GUCY2F: variants seen among roughly 807,000 people sequenced by gnomAD.
GUCY2F encodes retinal guanylyl cyclase 2.
In GUCY2F, 61 loss-of-function variants were observed where a neutral mutation model predicts 73.1. That is an observed-to-expected ratio of 0.83 (90% CI 0.68 to 1.03). The LOEUF (loss-of-function observed/expected upper bound fraction) is 1.03. GUCY2F is among the 50% of genes least tolerant of loss of function. GUCY2F has a pLI of 0.00. For synonymous variants in GUCY2F, 331 were observed against 307.8 expected (o/e 1.08, Z -0.79); for missense variants, 912 against 854.3 (o/e 1.07, Z -0.84).
chrX:109,418,275 T>C (rs1424267542), intron 8 of GUCY2F, among the ~76,000 whole-genome samples: 3 of 111,859 alleles, frequency 2.7e-5, no homozygotes, highest in East Asian at 2.8e-4. Flanking sequence ...AGTAAGGATA[T>C]AGAAGATCTG....
At chrX:109,405,438 C>T (rs1930950163) in intron 9 of GUCY2F, among the ~76,000 whole-genome samples, 1 of 112,303 alleles carries the variant, frequency 8.9e-6, no homozygotes, top group Non-Finnish European at 1.9e-5. Context: ...TCTGCACTTG[C>T]TTGGCAGCCT....
At chrX:109,396,368 A>C (rs1447928913) in intron 11 of GUCY2F, among the ~76,000 whole-genome samples, 1 of 110,911 alleles carries the variant, frequency 9.0e-6, no homozygotes, top group Non-Finnish European at 1.9e-5. Context: ...AAAAATCATT[A>C]TCTCTCAATA....
intron 9 of GUCY2F, among the ~76,000 whole-genome samples, chrX:109,405,256 G>A (rs767431307): frequency 8.9e-6 from 1 of 112,416 alleles, no homozygotes; most frequent in South Asian, 3.7e-4. Context: ...TAATTACAAG[G>A]TGGGTTGCCA....
At chrX:109,452,136 T>C in intron 4 of GUCY2F, 29 bp from the exon 5 acceptor site, 5 of 800,643 alleles carry the variant, frequency 6.2e-6, no homozygotes, top group Non-Finnish European at 9.6e-6. Context: ...AGAGGAAGAA[T>C]GGCATTATCA....
chrX:109,377,502 T>C (rs903593591), intron 17 of GUCY2F, among the ~76,000 whole-genome samples: 3 of 112,021 alleles, frequency 2.7e-5, no homozygotes, highest in Admixed American at 9.4e-5. Context: ...TCTAAACACA[T>C]GAAGCCCAAC....
chrX:109,404,234 T>C, intron 10 of GUCY2F, 94 bp downstream of exon 10: 1 of 662,530 alleles, frequency 1.5e-6, no homozygotes, highest in East Asian at 3.5e-5. Context: ...AAGTGGAGAG[T>C]TGAAATCAGC....
intron 17 of GUCY2F, among the ~76,000 whole-genome samples, chrX:109,378,276 C>G (rs995696276): frequency 9.0e-6 from 1 of 111,646 alleles, no homozygotes; most frequent in African/African-American, 3.3e-5. Flanking sequence ...ACAGCTGGGA[C>G]TTGAAACCAG....
At chrX:109,449,865 TC>T (rs1932100083) in intron 5 of GUCY2F, among the ~76,000 whole-genome samples, 1 of 111,174 alleles carries the variant, frequency 9.0e-6, no homozygotes, top group South Asian at 3.8e-4. Flanking sequence ...GTTCAAAGAA[TC>T]CTTTGTTTTG....
intron 2 of GUCY2F, among the ~76,000 whole-genome samples, chrX:109,470,114 T>C (rs1029509294): frequency 1.8e-5 from 2 of 112,064 alleles, no homozygotes; most frequent in African/African-American, 6.5e-5. Flanking sequence ...TGTACAGCAA[T>C]GTTGCCTTAA....
chrX:109,411,793 A>T (rs2147261976), intron 8 of GUCY2F, among the ~76,000 whole-genome samples: 1 of 112,407 alleles, frequency 8.9e-6, no homozygotes, highest in South Asian at 3.7e-4. Context: ...AATTTTAGGT[A>T]AAATCAGTGG....
chrX:109,423,382 T>C (rs983250606), intron 8 of GUCY2F, among the ~76,000 whole-genome samples: 26 of 111,084 alleles, frequency 2.3e-4, no homozygotes, highest in African/African-American at 8.2e-4. Context: ...AGAAATGATA[T>C]GGGCATTTCA....
At chrX:109,382,403 C>A (rs1335746736) in intron 16 of GUCY2F, among the ~76,000 whole-genome samples, 191 bp from the exon 17 acceptor site, 1 of 112,263 alleles carries the variant, frequency 8.9e-6, no homozygotes, top group African/African-American at 3.2e-5. Flanking sequence ...CGAAATAAGG[C>A]ATTAGTTGTA....
intron 17 of GUCY2F, among the ~76,000 whole-genome samples, chrX:109,376,560 CCAAA>C (rs1169184531): frequency 8.9e-6 from 1 of 112,003 alleles, no homozygotes; most frequent in Non-Finnish European, 1.9e-5. Context: ...CTCACCAAAC[CCAAA>C]AAGAGAGTAG....
intron 8 of GUCY2F, among the ~76,000 whole-genome samples, chrX:109,416,084 T>C (rs968095108): frequency 1.8e-5 from 2 of 111,049 alleles, no homozygotes; most frequent in African/African-American, 6.5e-5. Flanking sequence ...AATAGTTCTT[T>C]AGAGCAACAC....
In GUCY2F at chrX:109,465,062, G is replaced by C. The variant is rs964240283; in HGVS notation, c.1032+80C>G. On this transcript the variant is annotated intron_variant, in intron 3 of 19. Coordinates refer to ENST00000218006, the MANE Select transcript of GUCY2F (RefSeq NM_001522.3). ...CATTGACTGGGCCTCCTATGGAATT[G>C]AGACTGTTGGTCTGAAAATAATTTA... 3 of 729,535 alleles carry C rather than the reference G, an allele frequency of 4.1e-6. No individual in the cohort carries two copies. In the African/African-American group the frequency reaches 6.3e-5, roughly 15 times the overall value. The allele number at this position is 729,535 out of a possible 1,213,427, so 60.1% of individuals were successfully genotyped here.
chrX:109,373,125 C>A (rs1365146843), intron 19 of GUCY2F, 126 bp from the exon 20 acceptor site: 1 of 112,855 alleles, frequency 8.9e-6, no homozygotes, highest in East Asian at 2.8e-4. Context: ...GCAAATTGCT[C>A]AACTTTCCTG....
intron 15 of GUCY2F, among the ~76,000 whole-genome samples, chrX:109,388,206 T>A (rs1460707666): frequency 9.0e-6 from 1 of 111,707 alleles, no homozygotes; most frequent in East Asian, 2.8e-4. Context: ...AACTACAACA[T>A]ATACCTGTTG....
chrX:109,397,460 GA>G lies in GUCY2F; in HGVS notation c.2275+1088del, dbSNP rs1258486597. On this transcript the variant is annotated intron_variant, in intron 11 of 19. Transcript: ENST00000218006. ...TTTCATTTTTAAAAGTTTTTATTTT[GA>G]AAAAAAATTAAACTTCCAGAAAAGT... Among the ~76,000 whole-genome samples, 7 of 110,901 alleles carry G rather than the reference GA, an allele frequency of 6.3e-5. No homozygotes were observed. In the South Asian group the frequency reaches 1.5e-3, roughly 24 times the overall value.
chrX:109,440,892 C>G (rs1931851909), intron 7 of GUCY2F, among the ~76,000 whole-genome samples: 1 of 112,125 alleles, frequency 8.9e-6, no homozygotes, highest in South Asian at 3.7e-4. Flanking sequence ...AAATAAATAA[C>G]TGAATAAATT....
Sources: allele counts gnomAD v4.1 joint callset (sites outside exome capture counted in the v4.1 genomes callset), GRCh38; gene constraint gnomAD v4.1.1; transcripts MANE v1.5; gene names NCBI Gene and HGNC (gene_info 2026-07-23, HGNC 2026-07-21).